RIMS1: variants seen among roughly 807,000 people sequenced by gnomAD.
RIMS1 encodes the protein regulating synaptic membrane exocytosis protein 1.
A neutral mutation model predicts 214.1 loss-of-function variants in RIMS1; 83 were observed. The ratio of observed to expected loss-of-function variants is 0.39; its 90% CI spans 0.32 to 0.47. The LOEUF (loss-of-function observed/expected upper bound fraction) is 0.47, where lower values mean the gene tolerates loss of function less well. Ranked by LOEUF, RIMS1 falls within the 20% of genes least tolerant of loss-of-function variation. The pLI, the probability that RIMS1 is intolerant of heterozygous loss-of-function variation, is 0.99. For synonymous variants in RIMS1, 793 were observed against 786.8 expected, an observed-to-expected ratio of 1.01 and a Z score of -0.13; for missense variants, 2,050 against 2,161.8, an observed-to-expected ratio of 0.95 and a Z score of 1.03.
At chr6:72,300,472 CATTAGT>C (rs2094501815) in intron 26 of RIMS1, among the ~76,000 whole-genome samples, 1 of 151,714 alleles carries the variant, frequency 6.6e-6, no homozygotes. Flanking sequence ...ATTCTGTATC[CATTAGT>C]ATTATTGGAG....
At chr6:72,133,247 T>G (rs187007220) in intron 4 of RIMS1, among the ~76,000 whole-genome samples, 10 of 149,568 alleles carry the variant, frequency 6.7e-5, no homozygotes, top group Admixed American at 5.4e-4. Context: ...TTTTTTTTCC[T>G]GATACAGAGT....
At chr6:72,003,347 G>A (rs1156891345) in intron 2 of RIMS1, among the ~76,000 whole-genome samples, 1 of 151,988 alleles carries the variant, frequency 6.6e-6, no homozygotes, top group African/African-American at 2.4e-5. Context: ...CCGATTTTAA[G>A]TTCCATAGGG....
intron 29 of RIMS1, among the ~76,000 whole-genome samples, chr6:72,354,122 A>G (rs971932176): frequency 6.6e-6 from 1 of 152,204 alleles, no homozygotes; most frequent in African/African-American, 2.4e-5. Context: ...AGGGAGACTG[A>G]GGCAGGAGGA....
rs767980292 is a variant in RIMS1 at position 72,265,019 on chromosome 6, T to G, written c.3161T>G (p.Leu1054Ter). Residue 1054 changes from leucine to a stop codon, truncating the protein, a stop_gained, in exon 20 of 34, where the codon TTA becomes TGA. Coordinates refer to ENST00000521978, the MANE Select transcript of RIMS1 (RefSeq NM_014989.7). LOFTEE classifies it high-confidence loss of function. The stretch of plus-strand genomic sequence containing the variant: ...AAAACATTACCTCCCAAGATGCCTT[T>G]ATTACAGAGCAGTTCTCACTGGAAT... Reference protein sequence around the residue: ...HYKTLPPKMPLLQSSSHWNIY... With the variant: ...HYKTLPPKMP The G allele has an allele frequency of 3.1e-6, 5 of 1,595,408 alleles. No homozygotes were observed. Among genetic ancestry groups the G allele is most frequent in the Admixed American group, 1.7e-5 (1 of 58,282 alleles).
chr6:71,972,862 G>A (rs955802866), intron 2 of RIMS1, among the ~76,000 whole-genome samples: 1 of 152,134 alleles, frequency 6.6e-6, no homozygotes, highest in Admixed American at 6.5e-5. Context: ...TATTCTGTTT[G>A]GGCTTGATGT....
intron 6 of RIMS1, among the ~76,000 whole-genome samples, chr6:72,188,189 A>C (rs1246020402): frequency 6.6e-6 from 1 of 152,176 alleles, no homozygotes; most frequent in Non-Finnish European, 1.5e-5. Context: ...CAACACCCTC[A>C]CAGACAACCC....
At chr6:71,900,555 A>G (rs1027350822) in intron 1 of RIMS1, among the ~76,000 whole-genome samples, 2 of 152,058 alleles carry the variant, frequency 1.3e-5, no homozygotes, top group Non-Finnish European at 2.9e-5. Context: ...CAGATGTTAG[A>G]AGCAGAAACT....
intron 15 of RIMS1, 127 bp from the exon 16 acceptor site, chr6:72,252,634 A>T (rs2073938476): frequency 2.8e-6 from 2 of 711,450 alleles, no homozygotes; most frequent in Non-Finnish European, 5.1e-6. Context: ...CTCAGTGTTT[A>T]CTGTATTAGT....
intron 29 of RIMS1, among the ~76,000 whole-genome samples, chr6:72,381,231 T>C (rs149119822): frequency 2.5e-3 from 384 of 152,240 alleles, no homozygotes; most frequent in Admixed American, 4.4e-3. Flanking sequence ...CTGTGAGGCC[T>C]GATCTCCAGC....
chr6:72,309,019 C>T (rs1563875516), intron 27 of RIMS1, among the ~76,000 whole-genome samples: 1 of 152,028 alleles, frequency 6.6e-6, no homozygotes, highest in South Asian at 2.1e-4. Flanking sequence ...TGGAAATGCT[C>T]CTTTTAAGCT....
At chr6:71,992,601 T>G (rs1289828554) in intron 2 of RIMS1, among the ~76,000 whole-genome samples, 1 of 126,294 alleles carries the variant, frequency 7.9e-6, no homozygotes, top group Non-Finnish European at 1.6e-5. Context: ...TCCTCCTCCT[T>G]CTCCTTCTCC....
chr6:72,162,703 T>C (rs2045631729), intron 4 of RIMS1, among the ~76,000 whole-genome samples: 1 of 140,704 alleles, frequency 7.1e-6, no homozygotes. Context: ...TTTAAGAATG[T>C]TGAATATTGG....
rs565268110 is a variant in RIMS1, at chr6:72,355,890, G to A, written c.4366+22055G>A. On this transcript the variant is annotated intron_variant, in intron 29 of 33. Coordinates refer to ENST00000521978, the MANE Select transcript of RIMS1 (RefSeq NM_014989.7). The stretch of plus-strand genomic sequence containing the variant: ...TTTGCTGATAAAATACACTTTTGAC[G>A]TTTCTGTGATTACACATAACGACTC... 3.0e-3 allele frequency among the ~76,000 whole-genome samples: 455 copies of A among 152,160 alleles called. 4 individuals are homozygous for A. Among genetic ancestry groups the A allele is most frequent in the African/African-American group, 0.01 (420 of 41,516 alleles).
chr6:72,147,999 A>T (rs2153896037), intron 4 of RIMS1, among the ~76,000 whole-genome samples: 1 of 152,302 alleles, frequency 6.6e-6, no homozygotes, highest in African/African-American at 2.4e-5. Context: ...GAGTCCTGTG[A>T]TGGGGAAACA....
intron 2 of RIMS1, among the ~76,000 whole-genome samples, chr6:71,994,309 G>A (rs990904483): frequency 1.3e-5 from 2 of 152,250 alleles, no homozygotes; most frequent in East Asian, 1.9e-4. Context: ...CAGCAAATAC[G>A]TGTAGTAGAA....
At chr6:72,149,198 T>C (rs1349278134) in intron 4 of RIMS1, among the ~76,000 whole-genome samples, 1 of 152,216 alleles carries the variant, frequency 6.6e-6, no homozygotes, top group Admixed American at 6.5e-5. Context: ...AGAAACTGCA[T>C]TTCTTATGAC....
rs765489525 is a variant in RIMS1, at chr6:72,182,828, A to G, written c.1357A>G (p.Arg453Gly). Reference protein sequence around the residue: ...QLTNHSPPAPRHGPVPAEAPE... With the variant: ...QLTNHSPPAPGHGPVPAEAPE... ...AACGAACCACAGCCCGCCGGCGCCC[A>G]GACATGGGCCGGTTCCCGCAGAAGC... The change falls in exon 6 of 34, where the codon AGA becomes GGA. Residue 453 changes from arginine (R) to glycine (G), a missense_variant. Around this residue, in one of 6 missense-constraint regions of RIMS1, gnomAD observed 882 missense variants for 828.9 expected, o/e 1.06. Coordinates refer to ENST00000521978, the MANE Select transcript of RIMS1 (RefSeq NM_014989.7). 7.7e-6 allele frequency: 12 copies of G among 1,551,180 alleles called. No homozygotes were observed. The highest frequency in any genetic ancestry group is 7.8e-6 in the Non-Finnish European group (9 of 1,150,526).
chr6:72,217,162 T>A, intron 6 of RIMS1: 1 of 1,536,286 alleles, frequency 6.5e-7, no homozygotes, highest in Non-Finnish European at 8.7e-7. Context: ...CCAGTGGCAT[T>A]TAGTTAACCA....
chr6:72,126,767 A>T lies in RIMS1; in HGVS notation c.471+26781A>T. 1.2e-5 allele frequency: 3 copies of T among 246,614 alleles called. No homozygotes were observed. In the East Asian group the frequency reaches 3.1e-4, roughly 26 times the overall value. 15.3% of individuals were successfully genotyped at this position (246,614 alleles called of 1,614,324 possible). Reference sequence around the variant, plus strand: ...ATGGCTGTAATTAAAAAGTTAAAAAAAAAAAAAAAAAAAAAAGATGGTGAC... The same window carrying T: ...ATGGCTGTAATTAAAAAGTTAAAAATAAAAAAAAAAAAAAAAGATGGTGAC... On this transcript the variant is annotated intron_variant, in intron 4 of 33. Coordinates refer to ENST00000521978, the MANE Select transcript of RIMS1 (RefSeq NM_014989.7).
Sources: gnomAD v4.1 joint callset for allele counts (sites outside exome capture counted in the v4.1 genomes callset) on GRCh38, gnomAD v4.1.1 for gene constraint, gnomAD v4.1.1 regional missense constraint, MANE v1.5 for transcripts, NCBI Gene and HGNC (gene_info 2026-07-23, HGNC 2026-07-21) for gene names.